PFKFB2: variants seen among roughly 807,000 people sequenced by gnomAD.
The protein encoded by PFKFB2 is 6-phosphofructo-2-kinase/fructose-2,6-bisphosphatase 2.
In PFKFB2, 53 loss-of-function variants were observed where a neutral mutation model predicts 68.0. The observed-to-expected ratio is 0.78, with a 90% CI of 0.63 to 0.98. The LOEUF is 0.98. PFKFB2 is among the 50% of genes least tolerant of loss of function. The pLI is 0.00. For missense variants in PFKFB2, 451 were observed against 642.0 expected (o/e 0.70, Z 3.22); for synonymous variants, 222 against 227.6 (o/e 0.98, Z 0.22).
chr1:207,072,084 C>A, intron 14 of PFKFB2, 120 bp from the exon 15 acceptor site: 1 of 1,505,780 alleles, frequency 6.6e-7, no homozygotes, highest in Non-Finnish European at 8.9e-7. Flanking sequence ...TGTGAGGGAC[C>A]CTGTGTGCAG....
At chr1:207,078,781 C>T (rs184620546), downstream of PFKFB2, among the ~76,000 whole-genome samples, 18 of 152,234 alleles carry the variant, frequency 1.2e-4, no homozygotes, top group East Asian at 1.4e-3. Context: ...CTACGCCATT[C>T]GGGTAGTCAA....
chr1:207,046,485 A>C (rs1462158543), intron 2 of PFKFB2: 2 of 152,070 alleles, frequency 1.3e-5, no homozygotes, highest in African/African-American at 2.4e-5. Context: ...TCAATAATTA[A>C]ATCAGATGGT....
In PFKFB2 at chr1:207,075,585, G is replaced by A. The variant is rs1683598643; in HGVS notation, c.*3214G>A. 1 of 985,400 alleles carries A rather than the reference G, an allele frequency of 1.0e-6. No individual in the cohort carries two copies. The highest frequency in any genetic ancestry group is 1.2e-6 in the Non-Finnish European group (1 of 829,884). The allele number at this position is 985,400 out of a possible 1,614,324, so 61.0% of individuals were successfully genotyped here. On this transcript the variant is annotated 3_prime_UTR_variant, in exon 15 of 15. Coordinates refer to ENST00000367080, the MANE Select transcript of PFKFB2 (RefSeq NM_006212.2). The stretch of plus-strand genomic sequence containing the variant: ...CTTAAAAGTACTCTCTGCTGAGGCT[G>A]TAAGTTTTGTTTTGTGAGAAATAGG...
intron 2 of PFKFB2, chr1:207,043,762 A>G (rs1324374303): frequency 2.6e-5 from 4 of 152,596 alleles, no homozygotes; most frequent in African/African-American, 9.7e-5. Flanking sequence ...TTAGTTAAAG[A>G]TTCGGTAAGC....
At chr1:207,054,048 C>T (rs548560696) in intron 1 of PFKFB2, among the ~76,000 whole-genome samples, 2 of 151,510 alleles carry the variant, frequency 1.3e-5, no homozygotes, top group Non-Finnish European at 2.9e-5. Flanking sequence ...GGACTACAGG[C>T]GCGCACCACC....
upstream of PFKFB2, among the ~76,000 whole-genome samples, chr1:207,050,092 T>TCTAC (rs1235997694): frequency 2.0e-5 from 3 of 150,482 alleles, no homozygotes; most frequent in Non-Finnish European, 4.5e-5. Context: ...CGGAAACTTA[T>TCTAC]CTACTCTAGA....
rs775425231 is a variant in PFKFB2 at position 207,072,437 on chromosome 1, C to T, written c.*66C>T. 3.9e-6 allele frequency: 6 copies of T among 1,555,368 alleles called. No individual in the cohort carries two copies. Among genetic ancestry groups the T allele is most frequent in the Non-Finnish European group, 5.2e-6 (6 of 1,153,514 alleles). Reference sequence around the variant, plus strand: ...TTTCCCTCCAGCCCTGGCCTCCTGCCCTTGTCACTAATCACCAAGGAGTCA... The same window carrying T: ...TTTCCCTCCAGCCCTGGCCTCCTGCTCTTGTCACTAATCACCAAGGAGTCA... On this transcript the variant is annotated 3_prime_UTR_variant, in exon 15 of 15. Coordinates refer to ENST00000367080, the MANE Select transcript of PFKFB2 (RefSeq NM_006212.2).
chr1:207,055,874 G>T (rs1255416530), intron 2 of PFKFB2, among the ~76,000 whole-genome samples: 1 of 152,190 alleles, frequency 6.6e-6, no homozygotes, highest in African/African-American at 2.4e-5. Flanking sequence ...TGATACTGGG[G>T]TTGGCAGAGT....
chr1:207,051,161 C>A (rs1042146570), upstream of PFKFB2: 1 of 1,414,180 alleles, frequency 7.1e-7, no homozygotes, highest in Non-Finnish European at 9.2e-7. Flanking sequence ...AAGATGTAAA[C>A]CTCCGTATTC....
downstream of PFKFB2, chr1:207,078,888 C>A: frequency 7.4e-7 from 1 of 1,351,560 alleles, no homozygotes; most frequent in Non-Finnish European, 1.1e-6. Context: ...GGATTCTGTT[C>A]TACTTTTATG....
Position 207,070,815 on chromosome 1 carries a change from A to C in PFKFB2, c.1223-373A>C. ...GCCTTCTTCCATACTTCGCTTCCCG[A>C]TCTTCGGGAGCTCCTGGGAAGCCTG... On this transcript the variant is annotated intron_variant, in intron 12 of 14. Coordinates refer to ENST00000367080, the MANE Select transcript of PFKFB2 (RefSeq NM_006212.2). The surrounding 1 kb of genome is among the most constrained non-coding windows in gnomAD (Gnocchi z 4.2). 7.3e-6 allele frequency: 2 copies of C among 274,906 alleles called. No individual in the cohort carries two copies. Among genetic ancestry groups the C allele is most frequent in the East Asian group, 9.8e-5 (1 of 10,168 alleles). 17.0% of individuals were successfully genotyped at this position (274,906 alleles called of 1,614,324 possible). A position where few individuals can be genotyped will look rare whatever the true frequency, so the allele number is the denominator to read the frequency against.
Position 207,077,595 on chromosome 1 carries a change from G to A in PFKFB2, c.*5224G>A. On this transcript the variant is annotated 3_prime_UTR_variant, in exon 15 of 15. Transcript: ENST00000367080. ...CTCTGGGTTGAATGGGAATGGGTCA[G>A]ATTGGGAAGCCTAGGAAGAGAGTTC... 4.1e-6 allele frequency: 4 copies of A among 985,794 alleles called. No individual in the cohort carries two copies. The South Asian group carries it at 1.9e-4, about 46-fold the overall frequency. The allele number at this position is 985,794 out of a possible 1,614,324, so 61.1% of individuals were successfully genotyped here. A position where few individuals can be genotyped will look rare whatever the true frequency, so the allele number is the denominator to read the frequency against.
At chr1:207,042,512 C>T (rs547578785) in intron 2 of PFKFB2, among the ~76,000 whole-genome samples, 33 of 131,606 alleles carry the variant, frequency 2.5e-4, no homozygotes, top group African/African-American at 7.8e-4. Context: ...CACCCCACTA[C>T]GCTGCAGCCT....
At chr1:207,048,830 G>A (rs1438429441), upstream of PFKFB2, 1 of 603,288 alleles carries the variant, frequency 1.7e-6, no homozygotes, top group Non-Finnish European at 2.9e-6. Flanking sequence ...TACCACTGTA[G>A]ACACACATCT....
Position 207,063,249 on chromosome 1 carries a change from C to T in PFKFB2, c.375+40C>T, listed in dbSNP as rs1427772799. 2 of 1,597,454 alleles carry T rather than the reference C, an allele frequency of 1.3e-6. No homozygotes were observed. Among genetic ancestry groups the T allele is most frequent in the African/African-American group, 2.7e-5 (2 of 74,520 alleles). On this transcript the variant is annotated intron_variant, in intron 5 of 14. Coordinates refer to ENST00000367080, the MANE Select transcript of PFKFB2 (RefSeq NM_006212.2). The surrounding 1 kb of genome is among the most constrained non-coding windows in gnomAD (Gnocchi z 4.1). ...CTGCTTCTTCTTTCTGGTCCCCACC[C>T]TTGCAGCAGCCTGGCTACCCAGCCC...
chr1:207,054,218 T>C (rs1682847468), intron 1 of PFKFB2, among the ~76,000 whole-genome samples: 7 of 152,078 alleles, frequency 4.6e-5, no homozygotes. Context: ...TTTGCAAAAC[T>C]GAGTCCTACC....
At chr1:207,049,699 T>G (rs1234981489), upstream of PFKFB2, 3 of 1,613,872 alleles carry the variant, frequency 1.9e-6, no homozygotes, top group Non-Finnish European at 2.5e-6. Flanking sequence ...CCTGGTTTGG[T>G]CTTCTTCAAT....
upstream of PFKFB2, chr1:207,050,782 G>C: frequency 1.2e-6 from 2 of 1,613,490 alleles, no homozygotes; most frequent in Non-Finnish European, 1.7e-6. Context: ...GACCGCCGGG[G>C]GCGATCCCGG....
At chr1:207,049,792 G>A, upstream of PFKFB2, 1 of 1,423,062 alleles carries the variant, frequency 7.0e-7, no homozygotes, top group Non-Finnish European at 9.5e-7. Flanking sequence ...CTCTAGCCAA[G>A]TCTGTAAATT....
Sources: gnomAD v4.1 joint callset for allele counts (sites outside exome capture counted in the v4.1 genomes callset) on GRCh38, gnomAD v4.1.1 for gene constraint, Gnocchi (gnomAD v3.1) non-coding constraint, MANE v1.5 for transcripts, NCBI Gene and HGNC (gene_info 2026-07-23, HGNC 2026-07-21) for gene names.